SPATS1: variants seen among roughly 807,000 people sequenced by gnomAD.
SPATS1 encodes the protein spermatogenesis associated serine rich 1.
A neutral mutation model predicts 33.6 loss-of-function variants in SPATS1; 23 were observed. That is an observed-to-expected ratio of 0.68 (90% CI 0.49 to 0.97). SPATS1 has a LOEUF of 0.97. SPATS1 is among the 50% of genes least tolerant of loss of function. The pLI is 0.00. For synonymous variants in SPATS1, 131 were observed against 125.6 expected (o/e 1.04, Z -0.29); for missense variants, 327 against 361.0 (o/e 0.91, Z 0.76).
intron 7 of SPATS1, among the ~76,000 whole-genome samples, chr6:44,370,672 G>T (rs1789550549): frequency 6.6e-6 from 1 of 151,998 alleles, no homozygotes; most frequent in Non-Finnish European, 1.5e-5. Flanking sequence ...TCTCCTATGA[G>T]TGGGCATGTG....
rs1008893381 is a variant in SPATS1, at chr6:44,380,078, G to A, written c.*3015G>A. Among the ~76,000 whole-genome samples, 5 of 152,138 alleles carry A rather than the reference G, an allele frequency of 3.3e-5. No homozygotes were observed. The highest frequency in any genetic ancestry group is 7.4e-5 in the Non-Finnish European group (5 of 68,024). On this transcript the variant is annotated 3_prime_UTR_variant, in exon 9 of 9. Transcript: ENST00000674044. ...ATATGTGCATATCATAGCTGTTCCA[G>A]CTTTTGCTTCTTTCCAGCTAGAAAG...
chr6:44,359,884 T>C (rs932702865), intron 3 of SPATS1, among the ~76,000 whole-genome samples: 1 of 152,210 alleles, frequency 6.6e-6, no homozygotes, highest in African/African-American at 2.4e-5. Context: ...CATTCCTTTT[T>C]AAGGCTGAAT....
intron 2 of SPATS1, among the ~76,000 whole-genome samples, chr6:44,347,588 C>T (rs7761735): frequency 2.0e-5 from 3 of 152,098 alleles, no homozygotes; most frequent in Non-Finnish European, 4.4e-5. Flanking sequence ...CTTTCACTTA[C>T]TTTTTTCGGG....
At chr6:44,370,455 T>C (rs563165780) in intron 7 of SPATS1, among the ~76,000 whole-genome samples, 1 of 152,310 alleles carries the variant, frequency 6.6e-6, no homozygotes, top group East Asian at 1.9e-4. Flanking sequence ...CTTAAATGAT[T>C]GCAACTGGCG....
intron 2 of SPATS1, among the ~76,000 whole-genome samples, chr6:44,349,951 T>C (rs1401801759): frequency 6.6e-6 from 1 of 152,168 alleles, no homozygotes; most frequent in Admixed American, 6.5e-5. Context: ...GCTTGGTATA[T>C]GGGTGGTTCT....
At chr6:44,342,931 C>T (rs1561952656) in intron 1 of SPATS1, 163 bp downstream of exon 1, 8 of 1,244,600 alleles carry the variant, frequency 6.4e-6, no homozygotes, top group Admixed American at 4.9e-5. Flanking sequence ...TTCCAAACCA[C>T]GAAACGCCCA....
At chr6:44,362,302 A>C (rs1027876613) in intron 5 of SPATS1, among the ~76,000 whole-genome samples, 1 of 152,250 alleles carries the variant, frequency 6.6e-6, no homozygotes, top group African/African-American at 2.4e-5. Context: ...GTCTGAAGAA[A>C]AGAATTTATG....
intron 3 of SPATS1, among the ~76,000 whole-genome samples, chr6:44,358,341 T>C (rs564520467): frequency 2.8e-4 from 43 of 152,340 alleles, no homozygotes; most frequent in African/African-American, 6.5e-4. Context: ...CCAGAAGTGA[T>C]TGCATTTTCA....
intron 3 of SPATS1, among the ~76,000 whole-genome samples, chr6:44,357,664 G>A (rs900431242): frequency 2.6e-5 from 4 of 152,202 alleles, no homozygotes; most frequent in African/African-American, 9.7e-5. Flanking sequence ...TTACAGGCAT[G>A]AGCCACTGTG....
intron 7 of SPATS1, among the ~76,000 whole-genome samples, chr6:44,371,403 C>T (rs959150238): frequency 3.9e-5 from 6 of 152,080 alleles, no homozygotes; most frequent in African/African-American, 9.6e-5. Context: ...GGACAGTCAC[C>T]CTAATGAAAA....
intron 2 of SPATS1, among the ~76,000 whole-genome samples, chr6:44,348,435 G>C (rs557809135): frequency 3.3e-5 from 5 of 151,334 alleles, no homozygotes; most frequent in Non-Finnish European, 7.4e-5. Flanking sequence ...AAATCTTTTC[G>C]GGGGGAGAGG....
intron 7 of SPATS1, among the ~76,000 whole-genome samples, chr6:44,374,919 C>G (rs1308010782): frequency 6.6e-6 from 1 of 152,202 alleles, no homozygotes; most frequent in Admixed American, 6.5e-5. Flanking sequence ...TTCGTTCTTG[C>G]AGGGACTTCC....
intron 2 of SPATS1, among the ~76,000 whole-genome samples, chr6:44,347,812 T>C (rs539499925): frequency 6.6e-6 from 1 of 152,296 alleles, no homozygotes; most frequent in East Asian, 1.9e-4. Context: ...TTTTGTTCTA[T>C]TGATTTGTCT....
chr6:44,343,288 T>G, intron 2 of SPATS1, 54 bp downstream of exon 2: 21 of 1,445,102 alleles, frequency 1.5e-5, no homozygotes, highest in Middle Eastern at 1.9e-4. Flanking sequence ...CCAAGTATAC[T>G]ACACCCGGGG....
intron 7 of SPATS1, among the ~76,000 whole-genome samples, chr6:44,372,446 T>A (rs901687685): frequency 1.6e-4 from 24 of 150,016 alleles, no homozygotes; most frequent in African/African-American, 5.3e-4. Context: ...TGTCTTTTTT[T>A]ATTTTATTTT....
At chr6:44,371,708 G>A (rs1001735918) in intron 7 of SPATS1, among the ~76,000 whole-genome samples, 7 of 152,190 alleles carry the variant, frequency 4.6e-5, no homozygotes, top group African/African-American at 1.7e-4. Flanking sequence ...CACTTTGGGA[G>A]GCTGAGGCTG....
intron 3 of SPATS1, among the ~76,000 whole-genome samples, chr6:44,353,731 A>AATAAATTT (rs1412381811): frequency 1.1e-4 from 16 of 152,300 alleles, no homozygotes; most frequent in African/African-American, 3.4e-4. Context: ...GAACAGATGA[A>AATAAATTT]GACAGTATTG....
chr6:44,361,937 C>G lies in SPATS1; in HGVS notation c.519C>G (p.Asn173Lys), dbSNP rs752894014. 6.2e-7 allele frequency: 1 copy of G among 1,614,232 alleles called. No individual in the cohort carries two copies. The highest frequency in any genetic ancestry group is 8.5e-7 in the Non-Finnish European group (1 of 1,180,050). The change falls in exon 5 of 9, where the codon AAC becomes AAG. Residue 173 changes from asparagine (N) to lysine (K), a missense_variant. Transcript: ENST00000674044. ...TCTTTAATGGAGTCTTCCTCGGCAA[C>G]AAGAGGTCTCTATCAGAGAGGACGG... ...QCFFNGVFLGNKRSLSERTVD... is the reference protein window; with the variant it reads ...QCFFNGVFLGKKRSLSERTVD...
chr6:44,346,724 T>C (rs1787909762), intron 2 of SPATS1, among the ~76,000 whole-genome samples: 1 of 151,820 alleles, frequency 6.6e-6, no homozygotes, highest in Non-Finnish European at 1.5e-5. Context: ...CTTTTGCCCT[T>C]TTTTTTTCTT....
Sources: allele counts gnomAD v4.1 joint callset (sites outside exome capture counted in the v4.1 genomes callset), GRCh38; gene constraint gnomAD v4.1.1; transcripts MANE v1.5; gene names NCBI Gene and HGNC (gene_info 2026-07-23, HGNC 2026-07-21).